The following RERE variants were observed in gnomAD, a reference collection of about 807,000 sequenced individuals.
RERE encodes arginine-glutamic acid dipeptide repeats protein.
A neutral mutation model predicts 146.1 loss-of-function variants in RERE; 40 were observed. That is an observed-to-expected ratio of 0.27 (90% confidence interval 0.21 to 0.36). The LOEUF (loss-of-function observed/expected upper bound fraction) is 0.36. Among genes scored for constraint, RERE ranks in the 10% least tolerant of loss-of-function variants. The probability of loss-of-function intolerance (pLI) is 1.00; values close to 1 mark genes in which losing one functional copy is unlikely to be tolerated. For missense variants in RERE, 1,933 were observed against 2,138.7 expected, an observed-to-expected ratio of 0.90 and a Z score of 1.90; for synonymous variants, 1,003 against 866.0, an observed-to-expected ratio of 1.16 and a Z score of -2.78.
chr1:8,631,809 C>G (rs559014959), intron 2 of RERE, among the ~76,000 whole-genome samples: 3 of 152,216 alleles, frequency 2.0e-5, no homozygotes, highest in East Asian at 3.9e-4. Context: ...AGCTTATGTG[C>G]TGTAAGAGAA....
intron 1 of RERE, among the ~76,000 whole-genome samples, chr1:8,698,539 C>G (rs1402632800): frequency 6.6e-6 from 1 of 152,114 alleles, no homozygotes; most frequent in Non-Finnish European, 1.5e-5. Context: ...ATAAATGGAC[C>G]CTTTCTTAAA....
At chr1:8,724,391 G>A (rs1267861802) in intron 1 of RERE, among the ~76,000 whole-genome samples, 4 of 152,176 alleles carry the variant, frequency 2.6e-5, no homozygotes, top group African/African-American at 4.8e-5. Context: ...AAAACAAAAC[G>A]TGAGTAATAC....
chr1:8,518,967 C>T (rs996347152), intron 7 of RERE, among the ~76,000 whole-genome samples: 1 of 152,168 alleles, frequency 6.6e-6, no homozygotes, highest in Non-Finnish European at 1.5e-5. Context: ...TTAAAAGAAA[C>T]ATCATTGTAC....
At chr1:8,529,190 T>C (rs1396449843) in intron 7 of RERE, among the ~76,000 whole-genome samples, 2 of 152,114 alleles carry the variant, frequency 1.3e-5, no homozygotes, top group African/African-American at 4.8e-5. Flanking sequence ...AACTCCTCTT[T>C]GAATTATGAA....
intron 4 of RERE, among the ~76,000 whole-genome samples, chr1:8,586,235 TAACTA>T (rs1179388959): frequency 2.0e-5 from 3 of 152,102 alleles, no homozygotes; most frequent in African/African-American, 4.8e-5. Flanking sequence ...ATCATATGCA[TAACTA>T]AACTATAGTG....
intron 2 of RERE, among the ~76,000 whole-genome samples, chr1:8,644,915 C>CT (rs1371370581): frequency 6.6e-6 from 1 of 152,196 alleles, no homozygotes; most frequent in Non-Finnish European, 1.5e-5. Flanking sequence ...TCTATCTCTT[C>CT]TTTTTTCTTC....
chr1:8,369,532 A>G lies in RERE; in HGVS notation c.1285-3558T>C, dbSNP rs945891669. ...CTAAAAAAAAAAAAAAAAAAAAAAA[A>G]AAAAAGAAGAAAAGAAAATGACCAG... On this transcript the variant is annotated intron_variant, in intron 12 of 22. Coordinates refer to ENST00000400908, the MANE Select transcript of RERE (RefSeq NM_001042681.2). Among the ~76,000 whole-genome samples the G allele has an allele frequency of 2.0e-4, 29 of 146,936 alleles. No individual in the cohort carries two copies. In the South Asian group the frequency reaches 3.8e-3, roughly 19 times the overall value.
intron 9 of RERE, 34 bp downstream of exon 9, chr1:8,497,371 T>C (rs1570339984): frequency 6.2e-7 from 1 of 1,613,412 alleles, no homozygotes; most frequent in Non-Finnish European, 8.5e-7. Context: ...GATGGTCTAA[T>C]TCAGAAAGCA....
At chr1:8,784,458 T>C (rs1400367637) in intron 1 of RERE, among the ~76,000 whole-genome samples, 5 of 151,464 alleles carry the variant, frequency 3.3e-5, no homozygotes, top group Non-Finnish European at 7.4e-5. Context: ...TTAGGTTTGC[T>C]TGGGGTTTTT....
At chr1:8,655,928 C>T in intron 2 of RERE, 45 bp downstream of exon 2, 1 of 1,587,334 alleles carries the variant, frequency 6.3e-7, no homozygotes, top group Non-Finnish European at 8.6e-7. Flanking sequence ...CAAGATCATT[C>T]CCCCACTGTA....
At chr1:8,582,221 G>T (rs546271130) in intron 4 of RERE, among the ~76,000 whole-genome samples, 1 of 151,950 alleles carries the variant, frequency 6.6e-6, no homozygotes, top group African/African-American at 2.4e-5. Context: ...AAAGAGAGAG[G>T]GTCTTGCTGT....
At chr1:8,564,814 A>ATGTGTGTGTGTGTG (rs1375952179) in intron 4 of RERE, among the ~76,000 whole-genome samples, 1 of 100,168 alleles carries the variant, frequency 1.0e-5, no homozygotes, top group Non-Finnish European at 2.2e-5. Context: ...GTGTGTATGT[A>ATGTGTGTGTGTGTG]TGTGTGTGTA....
chr1:8,694,771 A>C (rs1220550342), intron 1 of RERE, among the ~76,000 whole-genome samples: 1 of 152,068 alleles, frequency 6.6e-6, no homozygotes, highest in Non-Finnish European at 1.5e-5. Flanking sequence ...AAAAAAAAGA[A>C]ATGACAGATG....
chr1:8,366,276 G>C (rs948731254), intron 12 of RERE, among the ~76,000 whole-genome samples: 3 of 152,218 alleles, frequency 2.0e-5, no homozygotes, highest in Admixed American at 1.3e-4. Flanking sequence ...GTACACATGG[G>C]AGGTACACAT....
intron 4 of RERE, among the ~76,000 whole-genome samples, chr1:8,609,421 T>G (rs1354706707): frequency 6.6e-6 from 1 of 151,806 alleles, no homozygotes; most frequent in Non-Finnish European, 1.5e-5. Flanking sequence ...AGTAATCATC[T>G]TTCATTTAGG....
chr1:8,611,002 G>A (rs1327408351), intron 4 of RERE, among the ~76,000 whole-genome samples: 2 of 151,576 alleles, frequency 1.3e-5, no homozygotes, highest in African/African-American at 2.4e-5. Context: ...AGATCATACC[G>A]GCTAACACAG....
intron 12 of RERE, among the ~76,000 whole-genome samples, chr1:8,397,634 C>T (rs1239361934): frequency 6.6e-6 from 1 of 151,756 alleles, no homozygotes; most frequent in Non-Finnish European, 1.5e-5. Flanking sequence ...ATGGCAATAA[C>T]CCAACTGTGC....
At chr1:8,449,343 G>T (rs895618659) in intron 11 of RERE, among the ~76,000 whole-genome samples, 1 of 152,110 alleles carries the variant, frequency 6.6e-6, no homozygotes, top group Non-Finnish European at 1.5e-5. Flanking sequence ...AGGGAACTCC[G>T]CCGGCTAGAC....
At chr1:8,809,157 A>AAAAAAAAAAAAAAAAAAAAAAAAAAT (rs985140466) in intron 1 of RERE, among the ~76,000 whole-genome samples, 19 of 146,202 alleles carry the variant, frequency 1.3e-4, no homozygotes, top group African/African-American at 4.9e-4. Flanking sequence ...AAAAAAAAAA[A>AAAAAAAAAAAAAAAAAAAAAAAAAAT]AAAGTACTGA....
Sources: allele counts gnomAD v4.1 joint callset (sites outside exome capture counted in the v4.1 genomes callset), GRCh38; gene constraint gnomAD v4.1.1; transcripts MANE v1.5; gene names NCBI Gene and HGNC (gene_info 2026-07-23, HGNC 2026-07-21).